WASF3: variants seen among roughly 807,000 people sequenced by gnomAD.
WASF3 encodes WASP family member 3.
WASF3 carries 11 observed loss-of-function variants against 46.6 expected under a neutral mutation model. That is an observed-to-expected ratio of 0.24 (90% CI 0.15 to 0.39). The LOEUF is 0.39. WASF3 is among the 10% of genes least tolerant of loss of function. The pLI is 1.00. For missense variants in WASF3, 576 were observed against 669.8 expected, an observed-to-expected ratio of 0.86 and a Z score of 1.55; for synonymous variants, 242 against 259.7, an observed-to-expected ratio of 0.93 and a Z score of 0.65.
chr13:26,615,412 G>A lies in WASF3; in HGVS notation c.-11+2354G>A, dbSNP rs188576416. Among the ~76,000 whole-genome samples, 15 of 152,146 alleles carry A rather than the reference G, an allele frequency of 9.9e-5. 1 individual carries two copies. The East Asian group carries it at 2.7e-3, about 27-fold the overall frequency. On this transcript the variant is annotated intron_variant, in intron 2 of 9. Coordinates refer to ENST00000335327, the MANE Select transcript of WASF3 (RefSeq NM_006646.6). Reference sequence around the variant, plus strand: ...CAACCTCTGACTCCCTGGTTCAAGCGATTCTCCTGCCTCAGCCTCCCGAGT... The same window carrying A: ...CAACCTCTGACTCCCTGGTTCAAGCAATTCTCCTGCCTCAGCCTCCCGAGT...
the WASF3 span, among the ~76,000 whole-genome samples, chr13:26,547,223 G>A: frequency 6.6e-6 from 1 of 151,858 alleles, no homozygotes; most frequent in African/African-American, 2.4e-5. Flanking sequence ...TTCTTTGTTT[G>A]AATTCCTAAT....
intron 2 of WASF3, among the ~76,000 whole-genome samples, chr13:26,636,314 G>T (rs1037351039): frequency 6.6e-6 from 1 of 152,244 alleles, no homozygotes; most frequent in Admixed American, 6.5e-5. Flanking sequence ...GGTACCCACC[G>T]AGCCAGGCAC....
At position 26,682,783 on chromosome 13, in the gene WASF3, C is replaced by T. The variant is rs758507444; in HGVS notation, c.1160C>T (p.Ser387Phe). Residue 387 changes from serine to phenylalanine, a missense_variant, in exon 9 of 10, where the codon TCC (serine) becomes TTC (phenylalanine). Coordinates refer to ENST00000335327, the MANE Select transcript of WASF3 (RefSeq NM_006646.6). This position sits in a 1 kb window ranked among gnomAD's most constrained non-coding sequence, Gnocchi z 4.4. ...STHAAPPHPPSTGLLVTAPPP... is the reference protein window; with the variant it reads ...STHAAPPHPPFTGLLVTAPPP... ...CACGCAGCTCCTCCTCACCCACCCT[C>T]CACCGGGCTCCTGGTCACAGCCCCG... 6.2e-7 allele frequency: 1 copy of T among 1,611,852 alleles called. No homozygotes were observed. Among genetic ancestry groups the T allele is most frequent in the Non-Finnish European group, 8.5e-7 (1 of 1,179,994 alleles).
Position 26,688,208 on chromosome 13 carries a change from C to T in WASF3, c.*2363C>T, listed in dbSNP as rs1333720803. ...TCTGAAATTTAAATCCAGATCTTTT[C>T]TAATATGGTATTACAATGAAAAGAA... On this transcript the variant is annotated 3_prime_UTR_variant, in exon 10 of 10. Coordinates refer to ENST00000335327, the MANE Select transcript of WASF3 (RefSeq NM_006646.6). The T allele has an allele frequency of 1.3e-5, 2 of 152,082 alleles. No individual in the cohort carries two copies. Among genetic ancestry groups the T allele is most frequent in the African/African-American group, 2.4e-5 (1 of 41,404 alleles). The allele number at this position is 152,082 out of a possible 1,614,324, so 9.4% of individuals were successfully genotyped here.
At chr13:26,591,543 G>A (rs1227751310) in intron 1 of WASF3, among the ~76,000 whole-genome samples, 1 of 152,072 alleles carries the variant, frequency 6.6e-6, no homozygotes, top group Non-Finnish European at 1.5e-5. Flanking sequence ...CTGAGATATG[G>A]GGTTGCCATG....
chr13:26,589,243 G>A (rs944950299), intron 1 of WASF3, among the ~76,000 whole-genome samples: 15 of 152,172 alleles, frequency 9.9e-5, no homozygotes, highest in Admixed American at 9.2e-4. Context: ...TAGTTTGGAA[G>A]AAGTTTCAAC....
At chr13:26,598,978 C>T (rs1161543700) in intron 1 of WASF3, among the ~76,000 whole-genome samples, 1 of 152,092 alleles carries the variant, frequency 6.6e-6, no homozygotes, top group Non-Finnish European at 1.5e-5. Flanking sequence ...TCAAACGATT[C>T]TCCTGCCTTA....
At chr13:26,560,070 C>T (rs894855013) in intron 1 of WASF3, among the ~76,000 whole-genome samples, 3 of 151,974 alleles carry the variant, frequency 2.0e-5, no homozygotes, top group African/African-American at 7.2e-5. Context: ...CCGCCCACCT[C>T]GGCCTCCCAA....
the WASF3 span, among the ~76,000 whole-genome samples, chr13:26,551,554 T>A: frequency 6.6e-6 from 1 of 152,210 alleles, no homozygotes; most frequent in African/African-American, 2.4e-5. Context: ...ATTCCCTGTC[T>A]GGTGGGGGAC....
chr13:26,680,938 T>G lies in WASF3; in HGVS notation c.717-116T>G, dbSNP rs1883205823. On this transcript the variant is annotated intron_variant, in intron 7 of 9. Transcript: ENST00000335327. ...ATACCTAGTTGATAGTAAAGCAAAT[T>G]AATGTCTGATTTTTGTGTATTAGCA... The G allele has an allele frequency of 2.3e-6, 3 of 1,332,502 alleles. No homozygotes were observed. In the East Asian group the frequency reaches 7.1e-5, roughly 31 times the overall value. The allele number at this position is 1,332,502 out of a possible 1,614,324, so 82.5% of individuals were successfully genotyped here.
At chr13:26,619,032 T>C (rs1881225667) in intron 2 of WASF3, 1 of 152,228 alleles carries the variant, frequency 6.6e-6, no homozygotes, top group African/African-American at 2.4e-5. Flanking sequence ...ATATTTTAAA[T>C]GTACATCTTT....
intron 1 of WASF3, among the ~76,000 whole-genome samples, chr13:26,588,963 A>G (rs66647623): frequency 0.08 from 11,951 of 148,636 alleles, 818 homozygotes; most frequent in African/African-American, 0.18. Flanking sequence ...ACACCCAGCT[A>G]TTTTTTTTTT....
chr13:26,627,474 T>C (rs1043366296), intron 2 of WASF3, among the ~76,000 whole-genome samples: 6 of 152,202 alleles, frequency 3.9e-5, no homozygotes, highest in East Asian at 1.9e-4. Flanking sequence ...TATCTGGTTC[T>C]TTGTTTTGGT....
chr13:26,573,916 A>G (rs1280165479), intron 1 of WASF3, among the ~76,000 whole-genome samples: 1 of 152,156 alleles, frequency 6.6e-6, no homozygotes, highest in Non-Finnish European at 1.5e-5. Context: ...AATCATTATT[A>G]TGTAGTTTTG....
intron 7 of WASF3, among the ~76,000 whole-genome samples, chr13:26,678,780 C>A (rs1883140010): frequency 6.6e-6 from 1 of 152,214 alleles, no homozygotes; most frequent in South Asian, 2.1e-4. Flanking sequence ...AGTCGCACAC[C>A]TCCATGCCCA....
At chr13:26,591,180 G>T (rs1880281548) in intron 1 of WASF3, among the ~76,000 whole-genome samples, 1 of 151,964 alleles carries the variant, frequency 6.6e-6, no homozygotes, top group Non-Finnish European at 1.5e-5. Context: ...GGACAGAGTG[G>T]TTAGGGGAGG....
At chr13:26,572,062 C>A (rs947924357) in intron 1 of WASF3, among the ~76,000 whole-genome samples, 2 of 152,078 alleles carry the variant, frequency 1.3e-5, no homozygotes, top group Non-Finnish European at 2.9e-5. Context: ...TTGCTTAATT[C>A]TTTAATTGTT....
At chr13:26,648,638 TTAAGA>T (rs1270926208) in intron 3 of WASF3, among the ~76,000 whole-genome samples, 3 of 152,126 alleles carry the variant, frequency 2.0e-5, no homozygotes, top group Non-Finnish European at 4.4e-5. Flanking sequence ...TGTGGGTAAG[TTAAGA>T]TAAAATATAT....
At position 26,669,615 on chromosome 13, in the gene WASF3, G is replaced by A. The variant is rs182474383; in HGVS notation, c.422+1945G>A. On this transcript the variant is annotated intron_variant, in intron 5 of 9. Transcript: ENST00000335327. ...TGCAGCCTCTGCCTCCCGGGTTCAAGCGATTCTCCTGCCTCAGCCTCCCAA... is the reference window on the plus strand; with the variant it reads ...TGCAGCCTCTGCCTCCCGGGTTCAAACGATTCTCCTGCCTCAGCCTCCCAA... 4.3e-4 allele frequency among the ~76,000 whole-genome samples: 65 copies of A among 152,200 alleles called. 2 individuals carry two copies. The East Asian group carries it at 9.8e-3, about 23-fold the overall frequency.
Sources: gnomAD v4.1 joint callset for allele counts (sites outside exome capture counted in the v4.1 genomes callset) on GRCh38, gnomAD v4.1.1 for gene constraint, Gnocchi (gnomAD v3.1) non-coding constraint, MANE v1.5 for transcripts, NCBI Gene and HGNC (gene_info 2026-07-23, HGNC 2026-07-21) for gene names.